Variants in LAMA2 observed in about 807,000 individuals in gnomAD.
LAMA2 encodes laminin subunit alpha 2, also known as laminin subunit alpha-2.
A neutral mutation model predicts 364.8 loss-of-function variants in LAMA2; 269 were observed. The ratio of observed to expected loss-of-function variants is 0.74; its 90% CI spans 0.67 to 0.82. The LOEUF is 0.82. Ranked by LOEUF, LAMA2 falls within the 40% of genes least tolerant of loss-of-function variation. The pLI, the probability that LAMA2 is intolerant of heterozygous loss-of-function variation, is 0.00. For missense variants in LAMA2, 3,807 were observed against 3,873.2 expected (o/e 0.98, Z 0.45); for synonymous variants, 1,379 against 1,370.6 (o/e 1.01, Z -0.14).
chr6:128,973,418 C>G lies in LAMA2; in HGVS notation c.113-76500C>G, dbSNP rs147220402. 9.9e-5 allele frequency among the ~76,000 whole-genome samples: 15 copies of G among 152,260 alleles called. No individual in the cohort carries two copies. In the East Asian group the frequency reaches 2.7e-3, roughly 27 times the overall value. On this transcript the variant is annotated intron_variant, in intron 1 of 64. Transcript: ENST00000421865. The stretch of plus-strand genomic sequence containing the variant: ...AATCCTTGAATCAAAATGATTGAAG[C>G]AGTTATTTTTAAAAATAGAAGCTAG...
chr6:128,949,332 C>T (rs1485706470), intron 1 of LAMA2, among the ~76,000 whole-genome samples: 1 of 152,136 alleles, frequency 6.6e-6, no homozygotes, highest in Non-Finnish European at 1.5e-5. Flanking sequence ...CCACCCCACC[C>T]TGCCCCAGCT....
intron 40 of LAMA2, among the ~76,000 whole-genome samples, chr6:129,411,848 CTAAG>C (rs1226793289): frequency 2.6e-5 from 4 of 152,024 alleles, no homozygotes; most frequent in Admixed American, 6.5e-5. Flanking sequence ...GTGTACAAAT[CTAAG>C]TAAGCATTAT....
At chr6:128,907,396 C>A (rs1195444569) in intron 1 of LAMA2, among the ~76,000 whole-genome samples, 1 of 151,556 alleles carries the variant, frequency 6.6e-6, no homozygotes, top group Non-Finnish European at 1.5e-5. Context: ...CTCTTTGAAG[C>A]AATTGTGAAT....
intron 34 of LAMA2, among the ~76,000 whole-genome samples, chr6:129,379,963 G>A (rs1562509717): frequency 1.3e-5 from 2 of 152,106 alleles, no homozygotes; most frequent in African/African-American, 2.4e-5. Flanking sequence ...TATGACCCAC[G>A]ACAATTTGCC....
At chr6:128,889,586 C>A (rs1263415315) in intron 1 of LAMA2, among the ~76,000 whole-genome samples, 1 of 152,034 alleles carries the variant, frequency 6.6e-6, no homozygotes, top group Non-Finnish European at 1.5e-5. Context: ...TCCTCCCTTT[C>A]TTTATTTTCC....
chr6:129,240,384 C>T (rs1030450380), intron 12 of LAMA2, among the ~76,000 whole-genome samples: 10 of 152,322 alleles, frequency 6.6e-5, no homozygotes, highest in East Asian at 3.9e-4. Flanking sequence ...CATTCTCCAA[C>T]GCTTTCTCAT....
At chr6:129,119,053 C>T (rs1053121985) in intron 4 of LAMA2, among the ~76,000 whole-genome samples, 2 of 151,656 alleles carry the variant, frequency 1.3e-5, no homozygotes, top group Non-Finnish European at 2.9e-5. Flanking sequence ...AAAGAAAGTC[C>T]CCTCTTCTCT....
chr6:129,225,907 T>C (rs985262057), intron 12 of LAMA2, among the ~76,000 whole-genome samples: 4 of 152,196 alleles, frequency 2.6e-5, no homozygotes, highest in African/African-American at 9.7e-5. Context: ...TTCTGTCTCG[T>C]TGATCTGTCT....
chr6:129,312,918 C>T lies in LAMA2; in HGVS notation c.3232C>T (p.Gln1078Ter), dbSNP rs2114493974. 1 of 1,614,126 alleles carries T rather than the reference C, an allele frequency of 6.2e-7. No homozygotes were observed. The highest frequency in any genetic ancestry group is 8.5e-7 in the Non-Finnish European group (1 of 1,180,012). Residue 1078 changes from glutamine to a stop codon, truncating the protein, a stop_gained, in exon 23 of 65, where the codon CAA becomes TAA. Coordinates refer to ENST00000421865, the MANE Select transcript of LAMA2 (RefSeq NM_000426.4). LOFTEE classifies it high-confidence loss of function. ...TTTCCAATGCAATGTAAATACAGGC[C>T]AATGCAACTGTCATCCAAAATTCTC... is the stretch of plus-strand genomic sequence containing the variant. ...LDFQCNVNTG[Q>*]CNCHPKFSGA...
intron 12 of LAMA2, among the ~76,000 whole-genome samples, chr6:129,226,742 T>A (rs1325001434): frequency 6.6e-6 from 1 of 152,110 alleles, no homozygotes; most frequent in Non-Finnish European, 1.5e-5. Flanking sequence ...TAACCCGACC[T>A]TTCTCTCTGG....
At chr6:129,270,809 T>C in intron 17 of LAMA2, 58 bp downstream of exon 17, 1 of 1,546,720 alleles carries the variant, frequency 6.5e-7, no homozygotes. Flanking sequence ...AAGTACACTT[T>C]TCATAGCAAA....
chr6:129,492,992 T>C (rs1024759800), intron 58 of LAMA2, among the ~76,000 whole-genome samples: 2 of 151,840 alleles, frequency 1.3e-5, no homozygotes, highest in Admixed American at 1.3e-4. Context: ...CCGTCTCTTC[T>C]AAAATACAAA....
intron 12 of LAMA2, among the ~76,000 whole-genome samples, chr6:129,195,011 A>G (rs1179847468): frequency 6.6e-6 from 1 of 152,202 alleles, no homozygotes; most frequent in Non-Finnish European, 1.5e-5. Context: ...GAAATAGCGT[A>G]TCAAGATACA....
At chr6:129,383,455 G>T (rs941460686) in intron 35 of LAMA2, among the ~76,000 whole-genome samples, 1 of 152,118 alleles carries the variant, frequency 6.6e-6, no homozygotes, top group East Asian at 1.9e-4. Flanking sequence ...GACAATGAGG[G>T]CAGAATAGCA....
In LAMA2 at chr6:129,280,061, C is replaced by G; in HGVS notation, c.2451C>G (p.Asn817Lys). Reference protein sequence around the residue: ...CACPLNIPSNNFSPTCHLDRS... With the variant: ...CACPLNIPSNKFSPTCHLDRS... Reference sequence around the variant, plus strand: ...GTTTTCCGCAACAACATCAACATAGCTTTAGCCCAACGTGCCATTTAGACC... The same window carrying G: ...GTTTTCCGCAACAACATCAACATAGGTTTAGCCCAACGTGCCATTTAGACC... Residue 817 changes from asparagine to lysine, a missense_variant and splice_region_variant, in exon 18 of 65, where the codon AAC becomes AAG. Physicochemically the swap from Asn to Lys is moderately conservative, Grantham distance 94. This residue lies in a region of LAMA2 where 3,333 missense variants were observed against 3,345.7 expected (regional missense o/e 1.00). Coordinates refer to ENST00000421865, the MANE Select transcript of LAMA2 (RefSeq NM_000426.4). The G allele has an allele frequency of 6.2e-7, 1 of 1,610,382 alleles. No individual in the cohort carries two copies. Among genetic ancestry groups the G allele is most frequent in the South Asian group, 1.1e-5 (1 of 91,016 alleles).
At chr6:129,401,014 GAGA>G (rs1051746642) in intron 37 of LAMA2, among the ~76,000 whole-genome samples, 7 of 152,160 alleles carry the variant, frequency 4.6e-5, no homozygotes, top group African/African-American at 1.4e-4. Flanking sequence ...TTCTCACAAT[GAGA>G]AGAAGAAATA....
At chr6:129,099,884 C>T (rs1775419304) in intron 4 of LAMA2, among the ~76,000 whole-genome samples, 1 of 152,200 alleles carries the variant, frequency 6.6e-6, no homozygotes, top group Admixed American at 6.5e-5. Flanking sequence ...AGCTGTTCAA[C>T]CTGCTTTGTG....
chr6:129,498,172 C>T (rs549052322), intron 58 of LAMA2, among the ~76,000 whole-genome samples: 25 of 152,032 alleles, frequency 1.6e-4, no homozygotes, highest in Non-Finnish European at 2.9e-4. Flanking sequence ...AGAGTTCAGC[C>T]GTAAACCTCA....
At chr6:129,515,459 T>C (rs1156382117) in intron 64 of LAMA2, among the ~76,000 whole-genome samples, 1 of 152,138 alleles carries the variant, frequency 6.6e-6, no homozygotes, top group Non-Finnish European at 1.5e-5. Context: ...GTAATGTACT[T>C]CTCCATTCAG....
Sources: allele counts gnomAD v4.1 joint callset (sites outside exome capture counted in the v4.1 genomes callset), GRCh38; gene constraint gnomAD v4.1.1; regional missense constraint gnomAD v4.1.1; transcripts MANE v1.5; gene names NCBI Gene and HGNC (gene_info 2026-07-23, HGNC 2026-07-21).